The following DIP2C variants were observed in gnomAD, a reference collection of about 807,000 sequenced individuals.
DIP2C encodes disco-interacting protein 2 homolog C.
Under a neutral mutation model 192.4 loss-of-function variants are expected in DIP2C, and 33 were observed. The observed-to-expected ratio is 0.17, with a 90% CI of 0.13 to 0.23. The LOEUF (loss-of-function observed/expected upper bound fraction) is 0.23, where lower values mean the gene tolerates loss of function less well. Among genes scored for constraint, DIP2C ranks in the 10% least tolerant of loss-of-function variants. The probability of loss-of-function intolerance (pLI) is 1.00; values close to 1 mark genes in which losing one functional copy is unlikely to be tolerated. For synonymous variants in DIP2C, 979 were observed against 864.1 expected, an observed-to-expected ratio of 1.13 and a Z score of -2.33; for missense variants, 1,537 against 2,110.1, an observed-to-expected ratio of 0.73 and a Z score of 5.32.
At chr10:481,789 G>A (rs886930720) in intron 2 of DIP2C, among the ~76,000 whole-genome samples, 2 of 152,178 alleles carry the variant, frequency 1.3e-5, no homozygotes, top group Admixed American at 6.5e-5. Flanking sequence ...TCGTACCACG[G>A]TAGGGACGGT....
rs568751328 is a variant in DIP2C at position 619,347 on chromosome 10, G to A, written c.85+70147C>T. On this transcript the variant is annotated intron_variant, in intron 1 of 36. Coordinates refer to ENST00000280886, the MANE Select transcript of DIP2C (RefSeq NM_014974.3). ...AGGTCCCACCAGCTAACGTCGAGAT[G>A]TCAGCAGGGCTGGCTCCGGGGAAGC... Among the ~76,000 whole-genome samples the A allele has an allele frequency of 1.2e-4, 19 of 152,324 alleles. No individual in the cohort carries two copies. In the South Asian group the frequency reaches 2.9e-3, roughly 23 times the overall value.
At chr10:551,596 T>C (rs1353429030) in intron 1 of DIP2C, among the ~76,000 whole-genome samples, 1 of 152,186 alleles carries the variant, frequency 6.6e-6, no homozygotes, top group African/African-American at 2.4e-5. Context: ...AGCATGTCCA[T>C]CTTCCCTGGG....
intron 1 of DIP2C, among the ~76,000 whole-genome samples, chr10:561,362 G>C (rs1374673052): frequency 6.6e-6 from 1 of 152,180 alleles, no homozygotes; most frequent in Non-Finnish European, 1.5e-5. Context: ...TGCAGACTGA[G>C]AGCCACTGGC....
intron 2 of DIP2C, chr10:484,755 C>G (rs969755406): frequency 3.1e-6 from 5 of 1,606,244 alleles, no homozygotes; most frequent in East Asian, 2.2e-5. Context: ...TGCTGTGGGG[C>G]TGGCTCTCAG....
At chr10:287,514 G>T (rs1955208611) in intron 33 of DIP2C, among the ~76,000 whole-genome samples, 1 of 152,096 alleles carries the variant, frequency 6.6e-6, no homozygotes, top group Non-Finnish European at 1.5e-5. Flanking sequence ...CCGCCAGACT[G>T]TTAGGATGGA....
intron 1 of DIP2C, among the ~76,000 whole-genome samples, chr10:574,444 T>C (rs1182878835): frequency 2.0e-5 from 3 of 152,206 alleles, no homozygotes; most frequent in African/African-American, 7.2e-5. Context: ...AGAAGACAAT[T>C]CCTCAGCAGA....
chr10:411,580 A>T (rs529362376), intron 8 of DIP2C, among the ~76,000 whole-genome samples: 8 of 152,326 alleles, frequency 5.3e-5, no homozygotes, highest in African/African-American at 1.9e-4. Flanking sequence ...CTTCAGTTAC[A>T]CCAAGTTACT....
intron 1 of DIP2C, among the ~76,000 whole-genome samples, chr10:608,104 A>AAC (rs1325869545): frequency 2.1e-5 from 3 of 145,654 alleles, no homozygotes; most frequent in South Asian, 2.2e-4. Flanking sequence ...CCTAAAAAGG[A>AAC]ACACACACAC....
At chr10:344,372 G>C (rs1338244801) in intron 28 of DIP2C, among the ~76,000 whole-genome samples, 4 of 103,598 alleles carry the variant, frequency 3.9e-5, no homozygotes, top group East Asian at 6.6e-4. Context: ...AGGCTGCGAA[G>C]TCCCCAAGGG....
intron 26 of DIP2C, among the ~76,000 whole-genome samples, chr10:348,259 C>G (rs1958617467): frequency 6.6e-6 from 1 of 152,210 alleles, no homozygotes. Flanking sequence ...TCTATACTTT[C>G]AAAAAGGAGC....
intron 17 of DIP2C, among the ~76,000 whole-genome samples, chr10:377,306 C>T (rs1961737841): frequency 2.0e-5 from 3 of 152,352 alleles, no homozygotes; most frequent in Admixed American, 6.5e-5. Context: ...GGGGGGACCC[C>T]GTGGGGAGGC....
rs533666766 is a variant in DIP2C at position 606,724 on chromosome 10, AAAC to A, written c.85+82767_85+82769del. On this transcript the variant is annotated intron_variant, in intron 1 of 36. Transcript: ENST00000280886. The stretch of plus-strand genomic sequence containing the variant: ...CTTAAGCACTCTGCTGCCTCCTTGC[AAAC>A]AACAAAAAATCCAAAACCCCTCTTA... Among the ~76,000 whole-genome samples, 184 of 152,354 alleles carry A rather than the reference AAAC, an allele frequency of 1.2e-3. 1 individual carries two copies. The highest frequency in any genetic ancestry group is 3.9e-3 in the African/African-American group (161 of 41,588).
intron 36 of DIP2C, among the ~76,000 whole-genome samples, chr10:279,423 G>T (rs1954696167): frequency 1.3e-5 from 2 of 152,312 alleles, no homozygotes; most frequent in African/African-American, 4.8e-5. Context: ...CTGGCCGAGG[G>T]TGTGCTTGCT....
chr10:311,600 G>C, intron 31 of DIP2C: 2 of 1,232,252 alleles, frequency 1.6e-6, no homozygotes, highest in Non-Finnish European at 2.0e-6. Context: ...CGAGAAGAGA[G>C]GAGAGAACAC....
chr10:503,821 G>A (rs1042914960), intron 1 of DIP2C, among the ~76,000 whole-genome samples: 5 of 152,104 alleles, frequency 3.3e-5, no homozygotes, highest in Non-Finnish European at 5.9e-5. Flanking sequence ...TTTTCATCAC[G>A]GTTCTATATA....
At chr10:418,481 G>A (rs1965955901) in intron 6 of DIP2C, among the ~76,000 whole-genome samples, 1 of 152,216 alleles carries the variant, frequency 6.6e-6, no homozygotes, top group African/African-American at 2.4e-5. Context: ...GGGAAGGACT[G>A]AGACCTAAAT....
intron 3 of DIP2C, among the ~76,000 whole-genome samples, chr10:453,259 C>T (rs1017725184): frequency 1.3e-5 from 2 of 152,092 alleles, no homozygotes; most frequent in East Asian, 3.8e-4. Flanking sequence ...CAGTTTTACC[C>T]GGCCACATGA....
At chr10:416,832 T>C (rs1421350630) in intron 6 of DIP2C, among the ~76,000 whole-genome samples, 1 of 152,158 alleles carries the variant, frequency 6.6e-6, no homozygotes, top group African/African-American at 2.4e-5. Context: ...AGCTGTGGGC[T>C]TGGACGGTGC....
Position 567,198 on chromosome 10 carries a change from G to GT in DIP2C, c.86-80669dup, listed in dbSNP as rs34057667. On this transcript the variant is annotated intron_variant, in intron 1 of 36. Transcript: ENST00000280886. ...TTTGGGGGGTTTTTTGTTTTGTTTT[G>GT]TTTTTTTTAAGACACAATATCACTC... Among the ~76,000 whole-genome samples the GT allele has an allele frequency of 8.2e-4, 124 of 151,158 alleles. 1 individual carries two copies. Among genetic ancestry groups the GT allele is most frequent in the Admixed American group, 2.2e-3 (34 of 15,202 alleles).
Sources: allele counts gnomAD v4.1 joint callset (sites outside exome capture counted in the v4.1 genomes callset), GRCh38; gene constraint gnomAD v4.1.1; transcripts MANE v1.5; gene names NCBI Gene and HGNC (gene_info 2026-07-23, HGNC 2026-07-21).